NDUFA2: variants seen among roughly 807,000 people sequenced by gnomAD.
NDUFA2 encodes the protein NADH:ubiquinone oxidoreductase subunit A2, also known as NADH dehydrogenase [ubiquinone] 1 alpha subcomplex subunit 2.
In NDUFA2, 9 loss-of-function variants were observed where a neutral mutation model predicts 11.4. The observed-to-expected ratio is 0.79, with a 90% CI of 0.48 to 1.38. NDUFA2 has a LOEUF of 1.38. Among genes scored for constraint, NDUFA2 ranks in the 40% most tolerant of loss-of-function variants. The pLI is 0.00. For synonymous variants in NDUFA2, 49 were observed against 54.0 expected (o/e 0.91, Z 0.41); for missense variants, 150 against 131.2 (o/e 1.14, Z -0.70).
Position 140,647,473 on chromosome 5 carries a change from C to A in NDUFA2, c.101+10G>T. On this transcript the variant is annotated intron_variant, in intron 1 of 2. Transcript: ENST00000252102. ...CCGAAGCCCGCCCGCCTCACCACGC[C>A]GCGCCTCACCTGACGCCCTGGCTGC... 3.7e-6 allele frequency: 6 copies of A among 1,611,784 alleles called. No individual in the cohort carries two copies. In the South Asian group the frequency reaches 6.6e-5, roughly 18 times the overall value.
At chr5:140,646,865 A>AG (rs1757431372) in intron 2 of NDUFA2, among the ~76,000 whole-genome samples, 1 of 152,214 alleles carries the variant, frequency 6.6e-6, no homozygotes, top group East Asian at 1.9e-4. Flanking sequence ...TAAATGAGTT[A>AG]GGCAGGGAAG....
At chr5:140,646,093 C>G (rs1757382328) in intron 2 of NDUFA2, among the ~76,000 whole-genome samples, 1 of 151,368 alleles carries the variant, frequency 6.6e-6, no homozygotes, top group Non-Finnish European at 1.5e-5. Flanking sequence ...TCACTGCAAC[C>G]TCCACCTCCT....
Position 140,647,465 on chromosome 5 carries a change from C to T in NDUFA2, c.101+18G>A, listed in dbSNP as rs765942108. 1.2e-6 allele frequency: 2 copies of T among 1,611,336 alleles called. No homozygotes were observed. The highest frequency in any genetic ancestry group is 1.7e-5 in the Admixed American group (1 of 59,948). ...CTGGCGTCCCGAAGCCCGCCCGCCT[C>T]ACCACGCCGCGCCTCACCTGACGCC... On this transcript the variant is annotated intron_variant, in intron 1 of 2. Coordinates refer to ENST00000252102, the MANE Select transcript of NDUFA2 (RefSeq NM_002488.5).
At chr5:140,646,752 T>A (rs536892286) in intron 2 of NDUFA2, among the ~76,000 whole-genome samples, 188 of 152,260 alleles carry the variant, frequency 1.2e-3, no homozygotes, top group African/African-American at 4.5e-3. Flanking sequence ...GCATCTAAAG[T>A]TGCAGCTAGA....
At chr5:140,645,784 G>C in intron 2 of NDUFA2, 106 bp from the exon 3 acceptor site, 3 of 1,539,012 alleles carry the variant, frequency 1.9e-6, no homozygotes, top group South Asian at 2.3e-5. Flanking sequence ...GACAGGAAGA[G>C]TATTAAAGAG....
chr5:140,646,214 T>G (rs960174279), intron 2 of NDUFA2, among the ~76,000 whole-genome samples: 2 of 152,120 alleles, frequency 1.3e-5, no homozygotes, highest in African/African-American at 4.8e-5. Context: ...TTTTACCATG[T>G]TGGCCAGGCT....
At position 140,645,519 on chromosome 5, in the gene NDUFA2, T is replaced by C. The variant is rs1217347493; in HGVS notation, c.*68A>G. ...ATGAGGAATAGGAGAACACATTTTTTTCACATTATACTAAGTCCAGCAGAG... is the reference window on the plus strand; with the variant it reads ...ATGAGGAATAGGAGAACACATTTTTCTCACATTATACTAAGTCCAGCAGAG... On this transcript the variant is annotated 3_prime_UTR_variant, in exon 3 of 3. Coordinates refer to ENST00000252102, the MANE Select transcript of NDUFA2 (RefSeq NM_002488.5). 1.1e-5 allele frequency: 18 copies of C among 1,590,404 alleles called. No individual in the cohort carries two copies. Among genetic ancestry groups the C allele is most frequent in the African/African-American group, 2.7e-5 (2 of 74,418 alleles).
At chr5:140,645,847 C>T in intron 2 of NDUFA2, 169 bp from the exon 3 acceptor site, 1 of 1,223,586 alleles carries the variant, frequency 8.2e-7, no homozygotes, top group Non-Finnish European at 1.2e-6. Context: ...AGGTCTCAAA[C>T]ACATCTAGGA....
intron 2 of NDUFA2, 47 bp from the exon 3 acceptor site, chr5:140,645,725 G>A (rs1289696003): frequency 6.2e-7 from 1 of 1,613,708 alleles, no homozygotes; most frequent in Non-Finnish European, 8.5e-7. Flanking sequence ...CACCCTGGAG[G>A]CTACCAAAGT....
Position 140,645,320 on chromosome 5 carries a change from TCCCTGCCC to T in NDUFA2, c.*259_*266del. The T allele has an allele frequency of 1.4e-6, 1 of 723,588 alleles. No individual in the cohort carries two copies. The highest frequency in any genetic ancestry group is 2.4e-6 in the Non-Finnish European group (1 of 413,804). 44.8% of individuals were successfully genotyped at this position (723,588 alleles called of 1,614,324 possible). On this transcript the variant is annotated 3_prime_UTR_variant, in exon 3 of 3. Transcript: ENST00000252102. ...GTCTACTTACTCTGGGGCCCTAGAA[TCCCTGCCC>T]CCCCGCCACCCTTCATGTTTGCTTC...
rs763129842 is a variant in NDUFA2, at chr5:140,647,367, G to C, written c.102-5C>G. The C allele has an allele frequency of 5.6e-6, 9 of 1,610,696 alleles. No individual in the cohort carries two copies. The East Asian group carries it at 1.6e-4, about 28-fold the overall frequency. On this transcript the variant is annotated splice_region_variant and splice_polypyrimidine_tract_variant and intron_variant, in intron 1 of 2. Transcript: ENST00000252102. ...TAGCGTTTCTCAATGAAGTCCCTGC[G>C]GGGCCGGAGAGAGCGCCGCGCGTGC... is the stretch of plus-strand genomic sequence containing the variant.
rs1014802286 is a variant in NDUFA2 at position 140,647,482 on chromosome 5, C to A, written c.101+1G>T. Reference sequence around the variant, plus strand: ...GCCCGCCTCACCACGCCGCGCCTCACCTGACGCCCTGGCTGCCGGGCGAGC... The same window carrying A: ...GCCCGCCTCACCACGCCGCGCCTCAACTGACGCCCTGGCTGCCGGGCGAGC... On this transcript the variant is annotated splice_donor_variant, in intron 1 of 2. Coordinates refer to ENST00000252102, the MANE Select transcript of NDUFA2 (RefSeq NM_002488.5). LOFTEE classifies it high-confidence loss of function. 1.2e-6 allele frequency: 2 copies of A among 1,612,304 alleles called. No homozygotes were observed. The highest frequency in any genetic ancestry group is 8.5e-7 in the Non-Finnish European group (1 of 1,179,884).
At chr5:140,645,759 T>C (rs1171241719) in intron 2 of NDUFA2, 81 bp from the exon 3 acceptor site, 1 of 1,600,286 alleles carries the variant, frequency 6.2e-7, no homozygotes, top group African/African-American at 1.3e-5. Context: ...TTTGTCTTTA[T>C]CTTAGTCTTG....
At chr5:140,647,084 C>T in intron 2 of NDUFA2, 172 bp downstream of exon 2, 1 of 729,684 alleles carries the variant, frequency 1.4e-6, no homozygotes, top group East Asian at 2.8e-5. Flanking sequence ...GAATACAACG[C>T]ATCATATAAC....
chr5:140,647,289 A>C lies in NDUFA2; in HGVS notation c.175T>G (p.Ser59Ala). 1 of 1,571,252 alleles carries C rather than the reference A, an allele frequency of 6.4e-7. No homozygotes were observed. The highest frequency in any genetic ancestry group is 8.6e-7 in the Non-Finnish European group (1 of 1,156,184). The change falls in exon 2 of 3, where the codon TCC (serine) becomes GCC (alanine). Residue 59 changes from serine to alanine, a missense_variant. Ser to Ala is a moderately conservative substitution (Grantham distance 99). Coordinates refer to ENST00000252102, the MANE Select transcript of NDUFA2 (RefSeq NM_002488.5). ...GCCCAGAGCTTGGGCTGCACATCGG[A>C]GCATTCGCGGATTAGGATGGGTAGG... is the stretch of plus-strand genomic sequence containing the variant. ...PDLPILIREC[S>A]DVQPKLWARY...
At chr5:140,647,070 C>T (rs759368986) in intron 2 of NDUFA2, 186 bp downstream of exon 2, 6 of 673,466 alleles carry the variant, frequency 8.9e-6, no homozygotes, top group Non-Finnish European at 1.4e-5. Flanking sequence ...ACTTATGTTG[C>T]CCGGAATACA....
chr5:140,646,049 C>T (rs1757379512), intron 2 of NDUFA2, among the ~76,000 whole-genome samples: 3 of 145,398 alleles, frequency 2.1e-5, no homozygotes, highest in Non-Finnish European at 4.5e-5. Flanking sequence ...CTCGCTCTGT[C>T]ACCCAGGCTG....
At chr5:140,646,286 C>T (rs576606273) in intron 2 of NDUFA2, among the ~76,000 whole-genome samples, 17 of 152,278 alleles carry the variant, frequency 1.1e-4, no homozygotes, top group African/African-American at 3.9e-4. Flanking sequence ...GCTGGGATTA[C>T]AGGCGTGAAC....
chr5:140,646,009 CTT>C lies in NDUFA2; in HGVS notation c.209-333_209-332del, dbSNP rs5871744. 4.7e-3 allele frequency among the ~76,000 whole-genome samples: 583 copies of C among 124,090 alleles called. 2 individuals are homozygous for C. Among genetic ancestry groups the C allele is most frequent in the African/African-American group, 0.015 (501 of 32,956 alleles). 81.4% of individuals were successfully genotyped at this position (124,090 alleles called of 152,430 possible). A position where few individuals can be genotyped will look rare whatever the true frequency, so the allele number is the denominator to read the frequency against. Reference sequence around the variant, plus strand: ...CCTCAGCTGGGAGCCCATTCTCTCTCTTTTTTTTTTTTTTTTTTTGAGACGGA... The same window carrying C: ...CCTCAGCTGGGAGCCCATTCTCTCTCTTTTTTTTTTTTTTTTTGAGACGGA... On this transcript the variant is annotated intron_variant, in intron 2 of 2. Coordinates refer to ENST00000252102, the MANE Select transcript of NDUFA2 (RefSeq NM_002488.5).
Sources: allele counts gnomAD v4.1 joint callset (sites outside exome capture counted in the v4.1 genomes callset), GRCh38; gene constraint gnomAD v4.1.1; transcripts MANE v1.5; gene names NCBI Gene and HGNC (gene_info 2026-07-23, HGNC 2026-07-21).